Variants in EPS15 observed in about 807,000 individuals in gnomAD.
The protein encoded by EPS15 is epidermal growth factor receptor substrate 15.
In EPS15, 72 loss-of-function variants were observed where a neutral mutation model predicts 113.8. The ratio of observed to expected loss-of-function variants is 0.63; its 90% confidence interval spans 0.52 to 0.77. The LOEUF is 0.77. Ranked by LOEUF, EPS15 falls within the 30% of genes least tolerant of loss-of-function variation. The pLI is 0.00. For missense variants in EPS15, 1,048 were observed against 1,045.8 expected (o/e 1.00, Z -0.03); for synonymous variants, 344 against 363.4 (o/e 0.95, Z 0.61).
In EPS15 at chr1:51,510,841, A is replaced by G. The variant is rs1324030976; in HGVS notation, c.33+8358T>C. Among the ~76,000 whole-genome samples, 6 of 152,292 alleles carry G rather than the reference A, an allele frequency of 3.9e-5. No individual in the cohort carries two copies. In the South Asian group the frequency reaches 8.3e-4, roughly 21 times the overall value. Reference sequence around the variant, plus strand: ...TCCCCTGTCCTCACCCCTAGAAAGTATATCTTGTATGTCCTAATGGACCAC... The same window carrying G: ...TCCCCTGTCCTCACCCCTAGAAAGTGTATCTTGTATGTCCTAATGGACCAC... On this transcript the variant is annotated intron_variant, in intron 1 of 24. Transcript: ENST00000371733.
intron 1 of EPS15, among the ~76,000 whole-genome samples, chr1:51,493,581 A>AAAT (rs1644278940): frequency 6.1e-5 from 9 of 146,868 alleles, no homozygotes; most frequent in Admixed American, 2.7e-4. Flanking sequence ...AATAAATAAA[A>AAAT]ATAAAGCTCT....
intron 21 of EPS15, among the ~76,000 whole-genome samples, chr1:51,386,127 C>G (rs960166483): frequency 5.3e-5 from 8 of 152,224 alleles, no homozygotes; most frequent in Admixed American, 1.3e-4. Flanking sequence ...TACATGTTCT[C>G]TGAGAAGAGC....
At chr1:51,516,599 G>A (rs72674579) in intron 1 of EPS15, among the ~76,000 whole-genome samples, 3,236 of 152,144 alleles carry the variant, frequency 0.021, 54 homozygotes, top group Non-Finnish European at 0.031. Flanking sequence ...CTTGGAAAAA[G>A]GAAGGAAGGC....
intron 20 of EPS15, among the ~76,000 whole-genome samples, chr1:51,398,802 A>G (rs1218556954): frequency 1.3e-5 from 2 of 152,242 alleles, no homozygotes; most frequent in African/African-American, 4.8e-5. Context: ...TGAAAGATGA[A>G]CATCACTTTT....
At chr1:51,475,550 T>C (rs768100506) in intron 2 of EPS15, among the ~76,000 whole-genome samples, 3 of 152,234 alleles carry the variant, frequency 2.0e-5, no homozygotes, top group Non-Finnish European at 4.4e-5. Flanking sequence ...GGTAAATTTG[T>C]CTAAGTTCTT....
chr1:51,493,623 G>A (rs1021083619), intron 1 of EPS15, among the ~76,000 whole-genome samples: 2 of 150,186 alleles, frequency 1.3e-5, no homozygotes, highest in Non-Finnish European at 1.5e-5. Flanking sequence ...TTCTTTTTTT[G>A]GGGGGTGGAT....
intron 1 of EPS15, among the ~76,000 whole-genome samples, chr1:51,483,134 T>C (rs150270931): frequency 1.3e-5 from 2 of 152,308 alleles, no homozygotes; most frequent in South Asian, 2.1e-4. Context: ...GCATCTACTC[T>C]GTATATGGTA....
chr1:51,381,798 G>A (rs1216186332), intron 21 of EPS15, among the ~76,000 whole-genome samples: 5 of 151,906 alleles, frequency 3.3e-5, no homozygotes, highest in Non-Finnish European at 2.9e-5. Flanking sequence ...CAAAACTAAC[G>A]GGATATAGCA....
intron 1 of EPS15, among the ~76,000 whole-genome samples, chr1:51,493,623 G>T (rs1021083619): frequency 1.3e-5 from 2 of 150,186 alleles, no homozygotes; most frequent in Admixed American, 1.3e-4. Flanking sequence ...TTCTTTTTTT[G>T]GGGGGTGGAT....
chr1:51,386,279 A>G (rs1477232152), intron 21 of EPS15, among the ~76,000 whole-genome samples: 1 of 152,218 alleles, frequency 6.6e-6, no homozygotes, highest in African/African-American at 2.4e-5. Flanking sequence ...AGAGAAAAGT[A>G]AAGTAATTTA....
At chr1:51,476,573 T>C (rs554201365) in intron 2 of EPS15, among the ~76,000 whole-genome samples, 1 of 152,300 alleles carries the variant, frequency 6.6e-6, no homozygotes, top group Non-Finnish European at 1.5e-5. Context: ...TTGCGTCTAT[T>C]TGATCCTTCT....
At chr1:51,365,249 T>C (rs76799320) in intron 22 of EPS15, among the ~76,000 whole-genome samples, 1 of 152,216 alleles carries the variant, frequency 6.6e-6, no homozygotes, top group South Asian at 2.1e-4. Flanking sequence ...TGCTCAACAT[T>C]GACATTTCAG....
chr1:51,422,368 A>C (rs1210874685), intron 12 of EPS15, among the ~76,000 whole-genome samples: 3 of 152,240 alleles, frequency 2.0e-5, no homozygotes, highest in Non-Finnish European at 4.4e-5. Context: ...CAACAGAGAA[A>C]ATGGGAAAGA....
rs564570736 is a variant in EPS15, at chr1:51,374,912, A to T, written c.2120-8883T>A. Among the ~76,000 whole-genome samples, 6 of 151,428 alleles carry T rather than the reference A, an allele frequency of 4.0e-5. No individual in the cohort carries two copies. In the South Asian group the frequency reaches 1.3e-3, roughly 32 times the overall value. On this transcript the variant is annotated intron_variant, in intron 21 of 24. Coordinates refer to ENST00000371733, the MANE Select transcript of EPS15 (RefSeq NM_001981.3). ...AGCCATGTTGGCCAGGCTGGTCTCAAACTCCTGTCTGCCTCGGCCTCCCAA... is the reference window on the plus strand; with the variant it reads ...AGCCATGTTGGCCAGGCTGGTCTCATACTCCTGTCTGCCTCGGCCTCCCAA...
At chr1:51,366,090 A>C in intron 21 of EPS15, 61 bp from the exon 22 acceptor site, 1 of 1,158,860 alleles carries the variant, frequency 8.6e-7, no homozygotes. Context: ...TTTTTGAGAC[A>C]GAGTCTCACT....
At position 51,487,896 on chromosome 1, in the gene EPS15, T is replaced by C. The variant is rs150535149; in HGVS notation, c.34-6582A>G. Among the ~76,000 whole-genome samples, 247 of 152,278 alleles carry C rather than the reference T, an allele frequency of 1.6e-3. 2 individuals carry two copies. The highest frequency in any genetic ancestry group is 5.6e-3 in the African/African-American group (232 of 41,560). On this transcript the variant is annotated intron_variant, in intron 1 of 24. Coordinates refer to ENST00000371733, the MANE Select transcript of EPS15 (RefSeq NM_001981.3). The stretch of plus-strand genomic sequence containing the variant: ...GTGTTTCTGGTGTGTCTCAGTAAAA[T>C]TGGCTTTTGTTGTTATTGTCGGACT...
At chr1:51,449,298 T>C (rs1167728201) in intron 8 of EPS15, among the ~76,000 whole-genome samples, 9 of 152,040 alleles carry the variant, frequency 5.9e-5, no homozygotes, top group Admixed American at 5.9e-4. Context: ...GCAAAATGGA[T>C]ACAGCTGGAG....
intron 21 of EPS15, among the ~76,000 whole-genome samples, chr1:51,393,769 C>G (rs1647631961): frequency 6.6e-6 from 1 of 152,132 alleles, no homozygotes; most frequent in Non-Finnish European, 1.5e-5. Context: ...GTTGAAAAAG[C>G]TTTTTGTCAG....
At chr1:51,470,374 G>T (rs886582835) in intron 4 of EPS15, among the ~76,000 whole-genome samples, 1 of 152,168 alleles carries the variant, frequency 6.6e-6, no homozygotes, top group East Asian at 1.9e-4. Context: ...GCCAGGCACG[G>T]TGGCTCACGC....
Sources: gnomAD v4.1 joint callset for allele counts (sites outside exome capture counted in the v4.1 genomes callset) on GRCh38, gnomAD v4.1.1 for gene constraint, MANE v1.5 for transcripts, NCBI Gene and HGNC (gene_info 2026-07-23, HGNC 2026-07-21) for gene names.